MYO5C: variants seen among roughly 807,000 people sequenced by gnomAD.
The protein encoded by MYO5C is myosin VC.
In MYO5C, 194 loss-of-function variants were observed where a neutral mutation model predicts 235.7. The observed-to-expected ratio is 0.82, with a 90% confidence interval of 0.73 to 0.93. The LOEUF (loss-of-function observed/expected upper bound fraction) is 0.93, where lower values mean the gene tolerates loss of function less well. Among genes scored for constraint, MYO5C ranks in the 40% least tolerant of loss-of-function variants. The pLI is 0.00. For missense variants in MYO5C, 2,038 were observed against 2,127.2 expected (o/e 0.96, Z 0.82); for synonymous variants, 707 against 754.8 (o/e 0.94, Z 1.04).
intron 19 of MYO5C, 71 bp downstream of exon 19, chr15:52,244,285 G>C: frequency 6.7e-7 from 1 of 1,483,894 alleles, no homozygotes. Flanking sequence ...TCCTTGATGA[G>C]TCCTCCCCGC....
At chr15:52,275,459 A>G in intron 5 of MYO5C, 103 bp downstream of exon 5, 1 of 1,415,968 alleles carries the variant, frequency 7.1e-7, no homozygotes, top group Non-Finnish European at 9.9e-7. Context: ...TCACTTCTTT[A>G]GTCTTTAAAG....
At chr15:52,217,623 G>A (rs917882819) in intron 32 of MYO5C, among the ~76,000 whole-genome samples, 2 of 152,214 alleles carry the variant, frequency 1.3e-5, no homozygotes, top group African/African-American at 4.8e-5. Flanking sequence ...TCATGTAGGT[G>A]TCACTGATTG....
rs930094484 is a variant in MYO5C at position 52,268,655 on chromosome 15, TGA to T, written c.940+1096_940+1097del. On this transcript the variant is annotated intron_variant, in intron 8 of 40. Transcript: ENST00000261839. ...TGTGGATGTCTAGACTCATACAGAA[TGA>T]GAGAGTGAATGCCTGTTTTTATAAA... Among the ~76,000 whole-genome samples, 36 of 152,178 alleles carry T rather than the reference TGA, an allele frequency of 2.4e-4. 1 individual carries two copies. Among genetic ancestry groups the T allele is most frequent in the Admixed American group, 1.7e-3 (26 of 15,284 alleles).
chr15:52,208,586 GAA>G lies in MYO5C; in HGVS notation c.4352_4353del (p.Phe1451SerfsTer17). On this transcript the variant is annotated frameshift_variant, in exon 36 of 41. Coordinates refer to ENST00000261839, the MANE Select transcript of MYO5C (RefSeq NM_018728.4). LOFTEE classifies it high-confidence loss of function. ...CCGCTGTACTGCTTCAGGCAATTGA[GAA>G]AATGACAAGTGTTGGAAAGCCAAAA... ...LSFWLSNTCH[F>X]LNCLKQYSGE... 6.2e-7 allele frequency: 1 copy of G among 1,614,156 alleles called. No individual in the cohort carries two copies. The highest frequency in any genetic ancestry group is 8.5e-7 in the Non-Finnish European group (1 of 1,180,008).
chr15:52,281,430 G>A (rs764922363), intron 2 of MYO5C, among the ~76,000 whole-genome samples: 4 of 152,250 alleles, frequency 2.6e-5, no homozygotes, highest in Non-Finnish European at 4.4e-5. Context: ...TGCCACTGCA[G>A]CTGCTGCCTT....
chr15:52,197,408 T>C (rs958311959), intron 38 of MYO5C, among the ~76,000 whole-genome samples: 2 of 152,216 alleles, frequency 1.3e-5, no homozygotes, highest in African/African-American at 2.4e-5. Context: ...TATGATTTCA[T>C]TTATTTTTAA....
intron 24 of MYO5C, among the ~76,000 whole-genome samples, chr15:52,229,982 C>T (rs1485025645): frequency 6.6e-6 from 1 of 151,970 alleles, no homozygotes; most frequent in Non-Finnish European, 1.5e-5. Flanking sequence ...AATACCTTGG[C>T]GTGCTCTGCT....
intron 18 of MYO5C, among the ~76,000 whole-genome samples, 188 bp downstream of exon 18, chr15:52,245,166 C>T (rs187827516): frequency 6.6e-5 from 10 of 152,324 alleles, no homozygotes; most frequent in African/African-American, 2.4e-4. Flanking sequence ...GGGTCCCTAA[C>T]GGGGACTCAT....
At chr15:52,246,075 CA>C (rs1219579680) in intron 16 of MYO5C, 33 bp from the exon 17 acceptor site, 2 of 1,560,836 alleles carry the variant, frequency 1.3e-6, no homozygotes, top group Admixed American at 3.4e-5. Context: ...TGTGTTGAGG[CA>C]TCGTAATTGC....
chr15:52,292,780 T>C (rs1415412215), intron 1 of MYO5C, among the ~76,000 whole-genome samples: 1 of 152,226 alleles, frequency 6.6e-6, no homozygotes, highest in Non-Finnish European at 1.5e-5. Context: ...GCAGAGGCTT[T>C]CTCAGAAGAG....
At chr15:52,232,480 TA>T in intron 24 of MYO5C, 141 bp downstream of exon 24, 1 of 761,074 alleles carries the variant, frequency 1.3e-6, no homozygotes, top group Non-Finnish European at 2.3e-6. Flanking sequence ...TTAGCTCTCA[TA>T]AATCTCTAAT....
intron 1 of MYO5C, among the ~76,000 whole-genome samples, chr15:52,284,438 G>T (rs1382652954): frequency 2.0e-5 from 3 of 152,122 alleles, no homozygotes; most frequent in Admixed American, 2.0e-4. Context: ...TGCCTCTGAG[G>T]GTGGGTGGGG....
rs1491463774 is a variant in MYO5C at position 52,220,840 on chromosome 15, AAT to A, written c.3721+320_3721+321del. On this transcript the variant is annotated intron_variant, in intron 30 of 40. Coordinates refer to ENST00000261839, the MANE Select transcript of MYO5C (RefSeq NM_018728.4). The stretch of plus-strand genomic sequence containing the variant: ...ACTCAGTCTCAAAAAAAAAAAAAAA[AAT>A]TTTTTTTGTAGAGATGAGGTTTCAT... Among the ~76,000 whole-genome samples the A allele has an allele frequency of 3.7e-3, 535 of 146,198 alleles. 2 individuals carry two copies. The highest frequency in any genetic ancestry group is 0.013 in the African/African-American group (490 of 38,630).
chr15:52,295,633 C>A lies in MYO5C; in HGVS notation c.4G>T (p.Ala2Ser). 2 of 1,481,258 alleles carry A rather than the reference C, an allele frequency of 1.4e-6. No individual in the cohort carries two copies. Among genetic ancestry groups the A allele is most frequent in the Non-Finnish European group, 1.8e-6 (2 of 1,118,818 alleles). 91.8% of individuals were successfully genotyped at this position (1,481,258 alleles called of 1,614,324 possible). A position where few individuals can be genotyped will look rare whatever the true frequency, so the allele number is the denominator to read the frequency against. Residue 2 changes from alanine (A) to serine (S), a missense_variant, in exon 1 of 41, where the codon GCG (alanine) becomes TCG (serine). Ala to Ser is a moderately conservative substitution (Grantham distance 99). Coordinates refer to ENST00000261839, the MANE Select transcript of MYO5C (RefSeq NM_018728.4). MAVAELYTQYNR... is the reference protein window; with the variant it reads MSVAELYTQYNR... ...ACCTGCGTGTACAGCTCGGCCACCG[C>A]CATGGGCAGGAGGGGCCGGGGCCAG...
chr15:52,274,733 C>T (rs561477694), intron 5 of MYO5C, among the ~76,000 whole-genome samples: 95 of 146,244 alleles, frequency 6.5e-4, no homozygotes, highest in African/African-American at 2.4e-3. Flanking sequence ...TTAGAAGAAT[C>T]TTACACTTGG....
At chr15:52,255,950 T>A (rs2036569147) in intron 11 of MYO5C, among the ~76,000 whole-genome samples, 1 of 152,170 alleles carries the variant, frequency 6.6e-6, no homozygotes, top group Non-Finnish European at 1.5e-5. Flanking sequence ...TTATTGTTAG[T>A]TAGGAAGGTA....
chr15:52,266,882 A>G (rs139104052), intron 8 of MYO5C, among the ~76,000 whole-genome samples: 218 of 152,226 alleles, frequency 1.4e-3, no homozygotes, highest in African/African-American at 5.1e-3. Context: ...AGTGGCCCCA[A>G]TCTCTTACCA....
intron 19 of MYO5C, 33 bp downstream of exon 19, chr15:52,244,323 C>G (rs753748731): frequency 1.0e-5 from 16 of 1,596,290 alleles, no homozygotes; most frequent in Non-Finnish European, 1.4e-5. Context: ...GAAAGCCCCA[C>G]AGTTCCACAT....
chr15:52,213,149 A>G, intron 34 of MYO5C, 39 bp downstream of exon 34: 2 of 1,550,412 alleles, frequency 1.3e-6, no homozygotes, highest in Non-Finnish European at 8.9e-7. Flanking sequence ...GCAAGTTCTC[A>G]AAGAGAAAGC....
Sources: gnomAD v4.1 joint callset for allele counts (sites outside exome capture counted in the v4.1 genomes callset) on GRCh38, gnomAD v4.1.1 for gene constraint, MANE v1.5 for transcripts, NCBI Gene and HGNC (gene_info 2026-07-23, HGNC 2026-07-21) for gene names.